The following BRMS1L variants were observed in gnomAD, a reference collection of about 807,000 sequenced individuals.
BRMS1L encodes the protein breast cancer metastasis-suppressor 1-like protein.
Under a neutral mutation model 50.3 loss-of-function variants are expected in BRMS1L, and 23 were observed. The ratio of observed to expected loss-of-function variants is 0.46; its 90% CI spans 0.33 to 0.65. The LOEUF is 0.65. BRMS1L is among the 30% of genes least tolerant of loss of function. The probability of loss-of-function intolerance (pLI) is 0.02; values close to 1 mark genes in which losing one functional copy is unlikely to be tolerated. For missense variants in BRMS1L, 286 were observed against 386.1 expected (o/e 0.74, Z 2.17); for synonymous variants, 114 against 126.9 (o/e 0.90, Z 0.69).
chr14:35,832,739 A>G (rs1477177560), intron 2 of BRMS1L, among the ~76,000 whole-genome samples: 10 of 152,130 alleles, frequency 6.6e-5, no homozygotes, highest in Admixed American at 5.2e-4. Context: ...AGTTATTTCA[A>G]TTTTATTTTT....
chr14:35,862,476 GA>G, intron 4 of BRMS1L, 113 bp from the exon 5 acceptor site: 1 of 454,178 alleles, frequency 2.2e-6, no homozygotes. Context: ...TAATTGAATT[GA>G]AAAAGCAAAC....
chr14:35,870,920 C>G lies in BRMS1L; in HGVS notation c.*443C>G, dbSNP rs2078484176. Reference sequence around the variant, plus strand: ...TTGTACTAGTACATTAGTGTTAAACCAGAACTGAAATTTAAACATATATAT... The same window carrying G: ...TTGTACTAGTACATTAGTGTTAAACGAGAACTGAAATTTAAACATATATAT... On this transcript the variant is annotated 3_prime_UTR_variant, in exon 10 of 10. Transcript: ENST00000216807. 1 of 152,708 alleles carries G rather than the reference C, an allele frequency of 6.5e-6. No homozygotes were observed. The highest frequency in any genetic ancestry group is 1.5e-5 in the Non-Finnish European group (1 of 68,394). 9.5% of individuals were successfully genotyped at this position (152,708 alleles called of 1,614,324 possible). A position where few individuals can be genotyped will look rare whatever the true frequency, so the allele number is the denominator to read the frequency against.
intron 9 of BRMS1L, among the ~76,000 whole-genome samples, chr14:35,870,056 G>GTTT (rs61062353): frequency 1.5e-5 from 2 of 136,350 alleles, no homozygotes; most frequent in Non-Finnish European, 1.6e-5. Flanking sequence ...TTTAGCTCCA[G>GTTT]TTTTTTTTTT....
rs917841223 is a variant in BRMS1L, at chr14:35,859,281, C to A, written c.442-3309C>A. Among the ~76,000 whole-genome samples, 7 of 152,194 alleles carry A rather than the reference C, an allele frequency of 4.6e-5. 1 individual carries two copies. Among genetic ancestry groups the A allele is most frequent in the Middle Eastern group, 3.4e-3 (1 of 294 alleles). Reference sequence around the variant, plus strand: ...ATTCAAGAAAGAGTATTAGTCTCTACCATTTGAAATTAGGAGTATCAAAGG... The same window carrying A: ...ATTCAAGAAAGAGTATTAGTCTCTAACATTTGAAATTAGGAGTATCAAAGG... On this transcript the variant is annotated intron_variant, in intron 4 of 9. Transcript: ENST00000216807.
intron 9 of BRMS1L, among the ~76,000 whole-genome samples, chr14:35,870,079 GGT>G (rs2078471351): frequency 6.7e-6 from 1 of 149,510 alleles, no homozygotes; most frequent in Non-Finnish European, 1.5e-5. Flanking sequence ...TTTTTAAAGA[GGT>G]GGGGTGGGGA....
intron 1 of BRMS1L, chr14:35,829,748 C>T: frequency 1.2e-6 from 1 of 859,838 alleles, no homozygotes; most frequent in Non-Finnish European, 1.6e-6. Flanking sequence ...AGTCAGCCTT[C>T]CATGTTATAT....
At position 35,826,446 on chromosome 14, in the gene BRMS1L, G is replaced by A; in HGVS notation, c.-71G>A. On this transcript the variant is annotated 5_prime_UTR_variant, in exon 1 of 10. Coordinates refer to ENST00000216807, the MANE Select transcript of BRMS1L (RefSeq NM_032352.4). Reference sequence around the variant, plus strand: ...GTGGCTGGGTGGGTTGGGGCGTTCCGCGCGCCCTTCATTGAAGCGGCGGTG... The same window carrying A: ...GTGGCTGGGTGGGTTGGGGCGTTCCACGCGCCCTTCATTGAAGCGGCGGTG... 4 of 1,544,928 alleles carry A rather than the reference G, an allele frequency of 2.6e-6. No individual in the cohort carries two copies. Among genetic ancestry groups the A allele is most frequent in the South Asian group, 2.4e-5 (2 of 83,754 alleles).
chr14:35,833,317 C>T (rs1801604447), intron 3 of BRMS1L, among the ~76,000 whole-genome samples: 5 of 150,094 alleles, frequency 3.3e-5, no homozygotes, highest in Admixed American at 2.7e-4. Flanking sequence ...AAAAAAAAAG[C>T]CCTCAAGTTG....
In BRMS1L at chr14:35,842,502, G is replaced by T. The variant is rs553797000; in HGVS notation, c.441+7579G>T. On this transcript the variant is annotated intron_variant, in intron 4 of 9. Transcript: ENST00000216807. ...TTTTCTTTAAGAATATTGAATATTG[G>T]CCTCCACTCTATTCTGGCCTTTAGG... Among the ~76,000 whole-genome samples, 25 of 152,242 alleles carry T rather than the reference G, an allele frequency of 1.6e-4. No homozygotes were observed. The South Asian group carries it at 4.8e-3, about 29-fold the overall frequency.
intron 3 of BRMS1L, among the ~76,000 whole-genome samples, chr14:35,833,446 T>C (rs1464064251): frequency 6.6e-6 from 1 of 152,174 alleles, no homozygotes; most frequent in Non-Finnish European, 1.5e-5. Context: ...AAAGTTTAAG[T>C]GTTCTAGGCA....
intron 4 of BRMS1L, among the ~76,000 whole-genome samples, chr14:35,848,121 G>A (rs2078161065): frequency 6.6e-6 from 1 of 152,042 alleles, no homozygotes; most frequent in African/African-American, 2.4e-5. Context: ...GCTCCAGACT[G>A]TTTTCTTTTT....
intron 4 of BRMS1L, among the ~76,000 whole-genome samples, chr14:35,841,345 C>T (rs1001300424): frequency 6.6e-6 from 1 of 151,356 alleles, no homozygotes; most frequent in Non-Finnish European, 1.5e-5. Flanking sequence ...TGGAGTCTTG[C>T]TCTGTCCCCC....
rs141015985 is a variant in BRMS1L at position 35,867,928 on chromosome 14, T to A, written c.750T>A (p.His250Gln). The A allele has an allele frequency of 5.0e-6, 8 of 1,607,186 alleles. No homozygotes were observed. Among genetic ancestry groups the A allele is most frequent in the Non-Finnish European group, 6.8e-6 (8 of 1,178,174 alleles). ...TAGCACCTGTGAAACTGGAAAAACA[T>A]CTGCACAGTGCTAGATCTGAAGAGG... Reference protein sequence around the residue: ...KTEPPVKLEKHLHSARSEEGR... With the variant: ...KTEPPVKLEKQLHSARSEEGR... Residue 250 changes from histidine (H) to glutamine (Q), a missense_variant, in exon 9 of 10, where the codon CAT becomes CAA. By Grantham distance (24) the His-to-Gln change is conservative. Around this residue, in one of 5 missense-constraint regions of BRMS1L, gnomAD observed 160 missense variants for 240.6 expected, o/e 0.66. Transcript: ENST00000216807.
intron 1 of BRMS1L, 69 bp downstream of exon 1, chr14:35,826,727 A>C (rs1595655437): frequency 2.0e-5 from 31 of 1,576,082 alleles, no homozygotes; most frequent in Non-Finnish European, 2.2e-5. Flanking sequence ...TCCGCACGCC[A>C]GGCGGCTGCG....
intron 8 of BRMS1L, among the ~76,000 whole-genome samples, chr14:35,867,238 CAG>C (rs2078433317): frequency 6.6e-6 from 1 of 152,086 alleles, no homozygotes; most frequent in Non-Finnish European, 1.5e-5. Context: ...AAGATAGTTA[CAG>C]ATTATAATAA....
At chr14:35,853,863 A>G (rs762379935) in intron 4 of BRMS1L, among the ~76,000 whole-genome samples, 1 of 152,112 alleles carries the variant, frequency 6.6e-6, no homozygotes, top group African/African-American at 2.4e-5. Context: ...TATATCCTCT[A>G]TTTCTGTTAG....
chr14:35,851,509 T>C (rs1267148274), intron 4 of BRMS1L, among the ~76,000 whole-genome samples: 1 of 152,124 alleles, frequency 6.6e-6, no homozygotes. Context: ...TGAAAAAACC[T>C]ACAGGAGACC....
At chr14:35,854,488 C>T (rs553198372) in intron 4 of BRMS1L, among the ~76,000 whole-genome samples, 39 of 152,142 alleles carry the variant, frequency 2.6e-4, no homozygotes, top group Admixed American at 2.4e-3. Flanking sequence ...GCTGTGTGTC[C>T]AATATAGATT....
At chr14:35,831,259 A>G (rs2077915572) in intron 1 of BRMS1L, 151 bp from the exon 2 acceptor site, 1 of 591,290 alleles carries the variant, frequency 1.7e-6, no homozygotes, top group Non-Finnish European at 3.0e-6. Context: ...ATTTTTGATA[A>G]ATCTTGTTTA....
Sources: allele counts gnomAD v4.1 joint callset (sites outside exome capture counted in the v4.1 genomes callset), GRCh38; gene constraint gnomAD v4.1.1; regional missense constraint gnomAD v4.1.1; transcripts MANE v1.5; gene names NCBI Gene and HGNC (gene_info 2026-07-23, HGNC 2026-07-21).